PRKAG2: variants seen among roughly 807,000 people sequenced by gnomAD.
PRKAG2 encodes 5'-AMP-activated protein kinase subunit gamma-2.
In PRKAG2, 26 loss-of-function variants were observed where a neutral mutation model predicts 69.6. The ratio of observed to expected loss-of-function variants is 0.37; its 90% CI spans 0.27 to 0.52. PRKAG2 has a LOEUF of 0.52. Ranked by LOEUF, PRKAG2 falls within the 20% of genes least tolerant of loss-of-function variation. The pLI, the probability that PRKAG2 is intolerant of heterozygous loss-of-function variation, is 0.90. For missense variants in PRKAG2, 557 were observed against 740.0 expected, an observed-to-expected ratio of 0.75 and a Z score of 2.87; for synonymous variants, 293 against 285.0, an observed-to-expected ratio of 1.03 and a Z score of -0.28.
At chr7:151,808,780 C>T (rs372101866) in intron 1 of PRKAG2, among the ~76,000 whole-genome samples, 5 of 152,148 alleles carry the variant, frequency 3.3e-5, no homozygotes, top group African/African-American at 4.8e-5. Context: ...GATGGCTGCG[C>T]GGCCTGAGGG....
intron 3 of PRKAG2, among the ~76,000 whole-genome samples, chr7:151,712,788 T>G (rs1357497457): frequency 6.6e-6 from 1 of 152,256 alleles, no homozygotes; most frequent in Non-Finnish European, 1.5e-5. Context: ...AGCCTCCATC[T>G]CTGTCTTTCC....
At chr7:151,627,035 T>C (rs1823119145) in intron 5 of PRKAG2, among the ~76,000 whole-genome samples, 1 of 151,880 alleles carries the variant, frequency 6.6e-6, no homozygotes, top group African/African-American at 2.4e-5. Context: ...TTGTAAAGAG[T>C]GATTATTGGT....
Position 151,833,672 on chromosome 7 carries a change from G to A in PRKAG2, c.114+42835C>T, listed in dbSNP as rs113676758. Among the ~76,000 whole-genome samples, 201 of 152,348 alleles carry A rather than the reference G, an allele frequency of 1.3e-3. 1 individual carries two copies. Among genetic ancestry groups the A allele is most frequent in the African/African-American group, 4.5e-3 (189 of 41,568 alleles). On this transcript the variant is annotated intron_variant, in intron 1 of 15. Coordinates refer to ENST00000287878, the MANE Select transcript of PRKAG2 (RefSeq NM_016203.4). ...CCAGCGGGCTTTTCAGTTGTTCCAG[G>A]GGTGGGGGATAGTTTGGAGAAATAA...
intron 3 of PRKAG2, among the ~76,000 whole-genome samples, chr7:151,707,613 G>C (rs1049103266): frequency 1.2e-4 from 18 of 152,128 alleles, no homozygotes; most frequent in African/African-American, 4.3e-4. Flanking sequence ...TCCCGAAGGT[G>C]ACTCAGTTCT....
intron 5 of PRKAG2, among the ~76,000 whole-genome samples, chr7:151,624,492 C>G (rs1227194933): frequency 6.6e-6 from 1 of 151,984 alleles, no homozygotes; most frequent in Non-Finnish European, 1.5e-5. Flanking sequence ...TAAAATTTAG[C>G]CAAAAGGTTC....
rs1221410038 is a variant in PRKAG2 at position 151,814,464 on chromosome 7, A to C, written c.115-27923T>G. ...TCTTCTCTTCCAGATGCTAATAAGCAGTGCAGGCTTGTAAGCTGCTGGATG... is the reference window on the plus strand; with the variant it reads ...TCTTCTCTTCCAGATGCTAATAAGCCGTGCAGGCTTGTAAGCTGCTGGATG... On this transcript the variant is annotated intron_variant, in intron 1 of 15. Coordinates refer to ENST00000287878, the MANE Select transcript of PRKAG2 (RefSeq NM_016203.4). The surrounding 1 kb of genome is among the most constrained non-coding windows in gnomAD (Gnocchi z 4.8). 3 of 1,230,380 alleles carry C rather than the reference A, an allele frequency of 2.4e-6. No homozygotes were observed. The highest frequency in any genetic ancestry group is 3.0e-6 in the Non-Finnish European group (3 of 987,730). 76.2% of individuals were successfully genotyped at this position (1,230,380 alleles called of 1,614,324 possible).
chr7:151,588,901 C>T (rs1812350953), intron 6 of PRKAG2, among the ~76,000 whole-genome samples: 1 of 152,202 alleles, frequency 6.6e-6, no homozygotes, highest in South Asian at 2.1e-4. Context: ...TCTCTGAATT[C>T]CTGGGCTTAT....
chr7:151,649,092 T>G (rs760413474), intron 4 of PRKAG2, among the ~76,000 whole-genome samples: 3 of 151,548 alleles, frequency 2.0e-5, no homozygotes, highest in Non-Finnish European at 4.4e-5. Flanking sequence ...TGTACTAAGT[T>G]AGACCTGAGG....
chr7:151,620,589 T>C (rs1821255927), intron 5 of PRKAG2, among the ~76,000 whole-genome samples: 1 of 152,086 alleles, frequency 6.6e-6, no homozygotes. Context: ...GCAATCCTCC[T>C]GTCTCAGCCT....
chr7:151,576,179 G>C, intron 7 of PRKAG2, 192 bp downstream of exon 7: 1 of 616,370 alleles, frequency 1.6e-6, no homozygotes, highest in East Asian at 3.0e-5. Flanking sequence ...GGGCTCAAGC[G>C]ATCTCCCTGC....
At chr7:151,865,801 T>G (rs559771491) in intron 1 of PRKAG2, among the ~76,000 whole-genome samples, 1 of 152,058 alleles carries the variant, frequency 6.6e-6, no homozygotes, top group South Asian at 2.1e-4. Flanking sequence ...GGGCGGATCA[T>G]GAGGTCAGGA....
chr7:151,870,127 A>AGATAGAT (rs2151913219), intron 1 of PRKAG2, among the ~76,000 whole-genome samples: 2 of 122,330 alleles, frequency 1.6e-5, no homozygotes, highest in African/African-American at 5.7e-5. Flanking sequence ...ATAGATAGAT[A>AGATAGAT]GATAGATAGA....
intron 3 of PRKAG2, among the ~76,000 whole-genome samples, chr7:151,778,254 A>T (rs1343941539): frequency 6.6e-6 from 1 of 152,154 alleles, no homozygotes; most frequent in Admixed American, 6.5e-5. Context: ...GATTTGAGTG[A>T]TAGCTCCATC....
intron 5 of PRKAG2, among the ~76,000 whole-genome samples, chr7:151,603,854 T>C (rs976706369): frequency 1.3e-5 from 2 of 152,206 alleles, no homozygotes; most frequent in Non-Finnish European, 2.9e-5. Flanking sequence ...AGTTATGCCC[T>C]ACCTCCTTGT....
rs777720800 is a variant in PRKAG2 at position 151,777,560 on chromosome 7, C to T, written c.466+3592G>A. On this transcript the variant is annotated intron_variant, in intron 3 of 15. Coordinates refer to ENST00000287878, the MANE Select transcript of PRKAG2 (RefSeq NM_016203.4). The surrounding 1 kb of genome is among the most constrained non-coding windows in gnomAD (Gnocchi z 4.3). ...CTCCCTTGCGTGTGAGCTCTGCATA[C>T]CCCGGCTTTCCTTCGCCTTCCTCCA... Among the ~76,000 whole-genome samples, 3 of 152,138 alleles carry T rather than the reference C, an allele frequency of 2.0e-5. No individual in the cohort carries two copies. The highest frequency in any genetic ancestry group is 2.9e-5 in the Non-Finnish European group (2 of 68,032).
At chr7:151,599,758 C>A (rs1393181077) in intron 5 of PRKAG2, among the ~76,000 whole-genome samples, 2 of 152,204 alleles carry the variant, frequency 1.3e-5, no homozygotes, top group African/African-American at 4.8e-5. Context: ...CCGCCCCTTG[C>A]CTCCTGCTGT....
At chr7:151,731,918 A>G (rs147795347) in intron 3 of PRKAG2, among the ~76,000 whole-genome samples, 2 of 151,494 alleles carry the variant, frequency 1.3e-5, no homozygotes, top group African/African-American at 4.8e-5. Flanking sequence ...GCTCACTTCA[A>G]CCTCTGCCTT....
At chr7:151,646,919 A>G (rs1311546128) in intron 4 of PRKAG2, among the ~76,000 whole-genome samples, 2 of 152,192 alleles carry the variant, frequency 1.3e-5, no homozygotes, top group Non-Finnish European at 1.5e-5. Flanking sequence ...ATGGCTGCCT[A>G]CTTGGCATCC....
Position 151,731,066 on chromosome 7 carries a change from T to G in PRKAG2, c.466+50086A>C, listed in dbSNP as rs377268513. Among the ~76,000 whole-genome samples, 5 of 152,360 alleles carry G rather than the reference T, an allele frequency of 3.3e-5. No individual in the cohort carries two copies. The East Asian group carries it at 9.6e-4, about 29-fold the overall frequency. ...CGCTAAATGGTTTTTATTTAATTAC[T>G]GCCCTGTAATTGCAGAGGGTGAAAG... On this transcript the variant is annotated intron_variant, in intron 3 of 15. Transcript: ENST00000287878.
Sources: allele counts gnomAD v4.1 joint callset (sites outside exome capture counted in the v4.1 genomes callset), GRCh38; gene constraint gnomAD v4.1.1; non-coding constraint Gnocchi (gnomAD v3.1); transcripts MANE v1.5; gene names NCBI Gene and HGNC (gene_info 2026-07-23, HGNC 2026-07-21).